TJP3: variants seen among roughly 807,000 people sequenced by gnomAD.
TJP3 encodes tight junction protein ZO-3.
In TJP3, 85 loss-of-function variants were observed where a neutral mutation model predicts 104.2. The observed-to-expected ratio is 0.82, with a 90% CI of 0.68 to 0.98. TJP3 has a LOEUF of 0.98. Among genes scored for constraint, TJP3 ranks in the 50% least tolerant of loss-of-function variants. The pLI, the probability that TJP3 is intolerant of heterozygous loss-of-function variation, is 0.00. For missense variants in TJP3, 1,367 were observed against 1,322.8 expected, an observed-to-expected ratio of 1.03 and a Z score of -0.52; for synonymous variants, 550 against 550.6, an observed-to-expected ratio of 1.00 and a Z score of 0.02.
intron 1 of TJP3, among the ~76,000 whole-genome samples, chr19:3,713,811 G>T (rs2036453536): frequency 6.6e-6 from 1 of 151,694 alleles, no homozygotes; most frequent in South Asian, 2.1e-4. Flanking sequence ...CGCCTCCCAG[G>T]TTGAAGTGAT....
At chr19:3,735,063 G>A (rs998494604) in intron 8 of TJP3, among the ~76,000 whole-genome samples, 2 of 152,116 alleles carry the variant, frequency 1.3e-5, no homozygotes, top group Admixed American at 1.3e-4. Context: ...GTATTGCCCA[G>A]CTATGTTGCC....
chr19:3,730,528 C>T lies in TJP3; in HGVS notation c.435C>T (p.Arg145=), dbSNP rs768040872. 1.3e-6 allele frequency: 2 copies of T among 1,595,834 alleles called. No individual in the cohort carries two copies. The highest frequency in any genetic ancestry group is 1.1e-5 in the South Asian group (1 of 90,014). The change falls in exon 5 of 21, where the codon CGC becomes CGT. Residue 145 remains arginine, a synonymous_variant. Coordinates refer to ENST00000541714, the MANE Select transcript of TJP3 (RefSeq NM_001267560.2). The surrounding 1 kb of genome is among the most constrained non-coding windows in gnomAD (Gnocchi z 7.3). ...SSGSGRSWDE[R]SRRPRPGRRG... The stretch of plus-strand genomic sequence containing the variant: ...GCTCCGGCCGCTCCTGGGACGAGCG[C>T]TCCCGCCGGCCGAGGCCTGGTCGCC...
intron 1 of TJP3, among the ~76,000 whole-genome samples, chr19:3,724,983 G>C (rs558800988): frequency 6.6e-6 from 1 of 152,228 alleles, no homozygotes; most frequent in Non-Finnish European, 1.5e-5. Context: ...GAGTGAGGCT[G>C]GGTGCGGTGG....
At chr19:3,731,006 G>A (rs2036664474) in intron 5 of TJP3, among the ~76,000 whole-genome samples, 2 of 152,100 alleles carry the variant, frequency 1.3e-5, no homozygotes, top group South Asian at 4.1e-4. Flanking sequence ...ACTACACCTG[G>A]CATCTTCTTG....
At chr19:3,715,666 G>C (rs2036470719) in intron 1 of TJP3, among the ~76,000 whole-genome samples, 1 of 152,190 alleles carries the variant, frequency 6.6e-6, no homozygotes, top group South Asian at 2.1e-4. Flanking sequence ...TTTGGGGCCA[G>C]ATCCTTCTCT....
At chr19:3,741,463 T>C (rs1272621686) in intron 14 of TJP3, among the ~76,000 whole-genome samples, 1 of 150,084 alleles carries the variant, frequency 6.7e-6, no homozygotes, top group Non-Finnish European at 1.5e-5. Context: ...CCATCTCTAC[T>C]AAAAGTACAA....
intron 1 of TJP3, among the ~76,000 whole-genome samples, chr19:3,726,864 T>A (rs1181087612): frequency 1.3e-5 from 2 of 150,542 alleles, no homozygotes; most frequent in Non-Finnish European, 3.0e-5. Flanking sequence ...GGCTGGAGAA[T>A]CACTTGAGCC....
chr19:3,718,916 G>A (rs984287614), intron 1 of TJP3, among the ~76,000 whole-genome samples: 3 of 151,940 alleles, frequency 2.0e-5, no homozygotes, highest in Non-Finnish European at 4.4e-5. Flanking sequence ...GGGCGTGGTG[G>A]CTCACGCCTG....
chr19:3,740,779 G>A lies in TJP3; in HGVS notation c.1843+16G>A, dbSNP rs2036805510. 1.9e-6 allele frequency: 3 copies of A among 1,540,852 alleles called. No individual in the cohort carries two copies. Among genetic ancestry groups the A allele is most frequent in the South Asian group, 1.2e-5 (1 of 81,208 alleles). ...TTGCGAGAAGGTGGGGCCCGGAGCT[G>A]GAGGGGCCCTGGGGAGGCCTCACAC... is the stretch of plus-strand genomic sequence containing the variant. On this transcript the variant is annotated intron_variant, in intron 14 of 20. Coordinates refer to ENST00000541714, the MANE Select transcript of TJP3 (RefSeq NM_001267560.2).
intron 1 of TJP3, among the ~76,000 whole-genome samples, chr19:3,714,624 T>G (rs1030862259): frequency 6.6e-6 from 1 of 151,818 alleles, no homozygotes; most frequent in Non-Finnish European, 1.5e-5. Flanking sequence ...AAAGTACAAT[T>G]AGGCCAGGCG....
In TJP3 at chr19:3,730,066, T is replaced by G. The variant is rs1196741002; in HGVS notation, c.197T>G (p.Met66Arg). Residue 66 changes from methionine (M) to arginine (R), a missense_variant, in exon 4 of 21, where the codon ATG (methionine) becomes AGG (arginine). Physicochemically the swap from Met to Arg is moderately conservative, Grantham distance 91. Transcript: ENST00000541714. This position sits in a 1 kb window ranked among gnomAD's most constrained non-coding sequence, Gnocchi z 7.3. ...DHIVMVNGVSMENATSAFAIQ... is the reference protein window; with the variant it reads ...DHIVMVNGVSRENATSAFAIQ... ...ATCGTCATGGTGAACGGGGTTTCCATGGAGAATGCCACCTCCGCGTTTGCC... is the reference window on the plus strand; with the variant it reads ...ATCGTCATGGTGAACGGGGTTTCCAGGGAGAATGCCACCTCCGCGTTTGCC... The G allele has an allele frequency of 3.5e-5, 56 of 1,613,958 alleles. No individual in the cohort carries two copies. Among genetic ancestry groups the G allele is most frequent in the Admixed American group, 1.0e-4 (6 of 59,988 alleles).
intron 1 of TJP3, among the ~76,000 whole-genome samples, chr19:3,711,796 G>A (rs550855010): frequency 2.7e-5 from 4 of 150,836 alleles, no homozygotes; most frequent in Admixed American, 6.6e-5. Context: ...TATGGGAACC[G>A]GTAAGACTTT....
intron 15 of TJP3, among the ~76,000 whole-genome samples, chr19:3,745,433 TG>T (rs2036874098): frequency 6.6e-6 from 1 of 152,138 alleles, no homozygotes; most frequent in Non-Finnish European, 1.5e-5. Context: ...CATGAGCCAC[TG>T]TGCCCGGCCA....
At chr19:3,729,981 G>A (rs1239538816) in intron 3 of TJP3, 47 bp from the exon 4 acceptor site, 1 of 1,542,320 alleles carries the variant, frequency 6.5e-7, no homozygotes, top group Middle Eastern at 1.7e-4. Flanking sequence ...TGTTACGAGG[G>A]TCTCCCCTGC....
At chr19:3,741,901 C>A (rs1185372787) in intron 14 of TJP3, among the ~76,000 whole-genome samples, 3 of 151,370 alleles carry the variant, frequency 2.0e-5, no homozygotes, top group African/African-American at 7.3e-5. Context: ...ACCCGGGAGG[C>A]AGAGGTTGCA....
At chr19:3,750,323 C>A in intron 20 of TJP3, 139 bp downstream of exon 20, 2 of 1,235,636 alleles carry the variant, frequency 1.6e-6, no homozygotes, top group Non-Finnish European at 2.3e-6. Context: ...CAGAGCCTCT[C>A]TAAGCCCCAT....
At chr19:3,733,964 A>T (rs1254684835) in intron 7 of TJP3, 52 bp downstream of exon 7, 2 of 1,586,288 alleles carry the variant, frequency 1.3e-6, no homozygotes, top group South Asian at 2.2e-5. Flanking sequence ...ATGGCAGGGA[A>T]GGTGGGAAGC....
intron 19 of TJP3, chr19:3,749,785 T>C: frequency 3.2e-6 from 1 of 313,916 alleles, no homozygotes; most frequent in Non-Finnish European, 5.9e-6. Flanking sequence ...TTTCCTGGGG[T>C]TGTGCAGTAC....
chr19:3,723,649 G>A (rs1351214075), intron 1 of TJP3, among the ~76,000 whole-genome samples: 2 of 151,612 alleles, frequency 1.3e-5, no homozygotes, highest in African/African-American at 4.8e-5. Flanking sequence ...AAAATTAGCC[G>A]GGCGTGGTGG....
Sources: allele counts gnomAD v4.1 joint callset (sites outside exome capture counted in the v4.1 genomes callset), GRCh38; gene constraint gnomAD v4.1.1; non-coding constraint Gnocchi (gnomAD v3.1); transcripts MANE v1.5; gene names NCBI Gene and HGNC (gene_info 2026-07-23, HGNC 2026-07-21).